The following HMGCLL1 variants were observed in gnomAD, a reference collection of about 807,000 sequenced individuals.
The protein encoded by HMGCLL1 is 3-hydroxy-3-methylglutaryl-CoA lyase like 1.
HMGCLL1 carries 36 observed loss-of-function variants against 39.1 expected under a neutral mutation model. The observed-to-expected ratio is 0.92, with a 90% CI of 0.71 to 1.22. The LOEUF (loss-of-function observed/expected upper bound fraction) is 1.22, where lower values mean the gene tolerates loss of function less well. Ranked by LOEUF, HMGCLL1 falls within the 50% of genes most tolerant of loss-of-function variation. The pLI, the probability that HMGCLL1 is intolerant of heterozygous loss-of-function variation, is 0.00. For missense variants in HMGCLL1, 451 were observed against 416.5 expected, an observed-to-expected ratio of 1.08 and a Z score of -0.72; for synonymous variants, 149 against 144.0, an observed-to-expected ratio of 1.03 and a Z score of -0.25.
the HMGCLL1 span, among the ~76,000 whole-genome samples, chr6:55,621,477 C>T: frequency 6.6e-6 from 1 of 151,938 alleles, no homozygotes; most frequent in Admixed American, 6.6e-5. Flanking sequence ...CCTGTCAGAT[C>T]AGCAGCAGCA....
At chr6:55,527,940 T>C (rs1768410342) in intron 3 of HMGCLL1, among the ~76,000 whole-genome samples, 1 of 152,034 alleles carries the variant, frequency 6.6e-6, no homozygotes, top group Non-Finnish European at 1.5e-5. Context: ...TCCGAGTACA[T>C]CTCATGTTCA....
chr6:55,461,871 AAAC>A (rs1178234827), intron 7 of HMGCLL1, among the ~76,000 whole-genome samples: 6 of 152,192 alleles, frequency 3.9e-5, no homozygotes, highest in African/African-American at 1.4e-4. Flanking sequence ...TTGCTAATGA[AAAC>A]AATAATATCT....
At chr6:55,653,587 G>A in the HMGCLL1 span, among the ~76,000 whole-genome samples, 1 of 151,914 alleles carries the variant, frequency 6.6e-6, no homozygotes, top group Non-Finnish European at 1.5e-5. Context: ...TCCAGTTTGA[G>A]GAAATAAAAA....
the HMGCLL1 span, among the ~76,000 whole-genome samples, chr6:55,611,651 G>A: frequency 6.6e-6 from 1 of 152,020 alleles, no homozygotes; most frequent in Non-Finnish European, 1.5e-5. Flanking sequence ...TGCAAGGCAG[G>A]TTCAACATAC....
the HMGCLL1 span, among the ~76,000 whole-genome samples, chr6:55,616,527 G>C: frequency 6.6e-6 from 1 of 152,096 alleles, no homozygotes; most frequent in Admixed American, 6.6e-5. Context: ...AATGGATACT[G>C]TTTTAAGCTA....
At chr6:55,460,741 C>T (rs189431891) in intron 7 of HMGCLL1, among the ~76,000 whole-genome samples, 170 of 152,012 alleles carry the variant, frequency 1.1e-3, no homozygotes, top group Non-Finnish European at 1.9e-3. Context: ...TAATTGCCAT[C>T]CATATCTAAA....
chr6:55,442,497 G>T (rs1763646350), intron 7 of HMGCLL1, among the ~76,000 whole-genome samples: 1 of 152,082 alleles, frequency 6.6e-6, no homozygotes, highest in South Asian at 2.1e-4. Flanking sequence ...GGGACTGTGG[G>T]TTTTCAACCA....
the HMGCLL1 span, among the ~76,000 whole-genome samples, chr6:55,644,981 G>A: frequency 6.5e-3 from 994 of 151,862 alleles, 17 homozygotes; most frequent in African/African-American, 0.022. Context: ...CTTTTGATTT[G>A]TTTGCTAGTA....
the HMGCLL1 span, among the ~76,000 whole-genome samples, chr6:55,603,005 A>C: frequency 6.6e-6 from 1 of 152,052 alleles, no homozygotes; most frequent in Non-Finnish European, 1.5e-5. Flanking sequence ...CCATGTAATG[A>C]TGCTGCTGCT....
chr6:55,631,105 A>G, the HMGCLL1 span, among the ~76,000 whole-genome samples: 1 of 151,786 alleles, frequency 6.6e-6, no homozygotes, highest in Non-Finnish European at 1.5e-5. Flanking sequence ...ACCTCTCTCT[A>G]AGTTCTTGTA....
At chr6:55,443,576 A>G (rs1763694985) in intron 7 of HMGCLL1, among the ~76,000 whole-genome samples, 1 of 152,168 alleles carries the variant, frequency 6.6e-6, no homozygotes, top group East Asian at 1.9e-4. Context: ...TTGCTTGGGC[A>G]AGAGTGAAAG....
chr6:55,492,911 C>T (rs1032977297), intron 7 of HMGCLL1, among the ~76,000 whole-genome samples: 2 of 152,052 alleles, frequency 1.3e-5, no homozygotes, highest in East Asian at 1.9e-4. Flanking sequence ...ATTAGACAGA[C>T]AGTCTAGTAT....
chr6:55,666,452 T>A, the HMGCLL1 span, among the ~76,000 whole-genome samples: 1 of 151,700 alleles, frequency 6.6e-6, no homozygotes, highest in African/African-American at 2.4e-5. Flanking sequence ...AGCAGTTATA[T>A]TTTCTTTCCC....
chr6:55,481,036 A>C (rs1765718594), intron 7 of HMGCLL1, among the ~76,000 whole-genome samples: 1 of 152,072 alleles, frequency 6.6e-6, no homozygotes, highest in Non-Finnish European at 1.5e-5. Context: ...ATATAGAAAG[A>C]ATGAATAAGA....
Position 55,578,943 on chromosome 6 carries a change from G to A in HMGCLL1, c.108+5C>T. ...GTGGGGACACCCTGGGCCGCGAGGT[G>A]GTACCTGCGCGGGGTCGAGCGCCCC... On this transcript the variant is annotated splice_donor_5th_base_variant and intron_variant, in intron 1 of 8. Coordinates refer to ENST00000274901, the MANE Select transcript of HMGCLL1 (RefSeq NM_001042406.2). 6.2e-7 allele frequency: 1 copy of A among 1,604,592 alleles called. No individual in the cohort carries two copies. The highest frequency in any genetic ancestry group is 8.5e-7 in the Non-Finnish European group (1 of 1,173,910).
rs1770437750 is a variant in HMGCLL1 at position 55,553,137 on chromosome 6, C to T, written c.109-10997G>A. Among the ~76,000 whole-genome samples, 6 of 137,608 alleles carry T rather than the reference C, an allele frequency of 4.4e-5. 1 individual carries two copies. In the South Asian group the frequency reaches 1.4e-3, roughly 32 times the overall value. The allele number at this position is 137,608 out of a possible 152,430, so 90.3% of individuals were successfully genotyped here. Reference sequence around the variant, plus strand: ...CAGCCTGGGCAACAAGAGCAAAACTCCATCTCTCTCTCTCTCTCTCTCTAT... The same window carrying T: ...CAGCCTGGGCAACAAGAGCAAAACTTCATCTCTCTCTCTCTCTCTCTCTAT... On this transcript the variant is annotated intron_variant, in intron 1 of 8. Coordinates refer to ENST00000274901, the MANE Select transcript of HMGCLL1 (RefSeq NM_001042406.2).
intron 5 of HMGCLL1, among the ~76,000 whole-genome samples, chr6:55,507,234 C>A (rs1185322848): frequency 6.6e-6 from 1 of 151,720 alleles, no homozygotes; most frequent in Non-Finnish European, 1.5e-5. Context: ...GTGGGTTAAA[C>A]TTTATTATAC....
chr6:55,585,181 AC>A, the HMGCLL1 span, among the ~76,000 whole-genome samples: 1 of 152,176 alleles, frequency 6.6e-6, no homozygotes, highest in Admixed American at 6.6e-5. Context: ...CCAAAATAAC[AC>A]CCCACCCCAG....
chr6:55,596,690 A>G, the HMGCLL1 span, among the ~76,000 whole-genome samples: 2 of 152,210 alleles, frequency 1.3e-5, no homozygotes, highest in East Asian at 1.9e-4. Context: ...AATCTCAACT[A>G]TATTTCTTCA....
Sources: allele counts gnomAD v4.1 joint callset (sites outside exome capture counted in the v4.1 genomes callset), GRCh38; gene constraint gnomAD v4.1.1; transcripts MANE v1.5; gene names NCBI Gene and HGNC (gene_info 2026-07-23, HGNC 2026-07-21).